ARHGAP15: variants seen among roughly 807,000 people sequenced by gnomAD.
The protein encoded by ARHGAP15 is Rho GTPase activating protein 15, also known as rho GTPase-activating protein 15.
Under a neutral mutation model 63.7 loss-of-function variants are expected in ARHGAP15, and 51 were observed. The observed-to-expected ratio is 0.80, with a 90% CI of 0.64 to 1.01. ARHGAP15 has a LOEUF of 1.01. Among genes scored for constraint, ARHGAP15 ranks in the 50% least tolerant of loss-of-function variants. The pLI, the probability that ARHGAP15 is intolerant of heterozygous loss-of-function variation, is 0.00. For synonymous variants in ARHGAP15, 191 were observed against 193.8 expected, an observed-to-expected ratio of 0.99 and a Z score of 0.12; for missense variants, 560 against 564.6, an observed-to-expected ratio of 0.99 and a Z score of 0.08.
At position 143,196,122 on chromosome 2, in the gene ARHGAP15, C is replaced by T. The variant is rs71423262; in HGVS notation, c.166-6012C>T. 9.1e-3 allele frequency among the ~76,000 whole-genome samples: 1,381 copies of T among 152,080 alleles called. 16 individuals are homozygous for T. The highest frequency in any genetic ancestry group is 0.037 in the Middle Eastern group (11 of 294). ...ACAAAGAGGAATTTGAAGGAAAATACGCATTATATATTCAGAATACTATCT... is the reference window on the plus strand; with the variant it reads ...ACAAAGAGGAATTTGAAGGAAAATATGCATTATATATTCAGAATACTATCT... On this transcript the variant is annotated intron_variant, in intron 2 of 13. Coordinates refer to ENST00000295095, the MANE Select transcript of ARHGAP15 (RefSeq NM_018460.4).
chr2:143,647,741 T>C (rs1680957833), intron 12 of ARHGAP15, among the ~76,000 whole-genome samples: 1 of 152,060 alleles, frequency 6.6e-6, no homozygotes, highest in South Asian at 2.1e-4. Flanking sequence ...CTTTATATAA[T>C]GTTAAATTAC....
rs553433102 is a variant in ARHGAP15 at position 143,175,996 on chromosome 2, G to A, written c.165+20341G>A. On this transcript the variant is annotated intron_variant, in intron 2 of 13. Transcript: ENST00000295095. ...ATGTTATACATTGAAAATAAAATAC[G>A]TATGTCTGTCTAGAGACTATTTTTT... 1.1e-4 allele frequency among the ~76,000 whole-genome samples: 17 copies of A among 152,192 alleles called. No homozygotes were observed. In the South Asian group the frequency reaches 3.3e-3, roughly 30 times the overall value.
At chr2:143,577,788 G>A (rs554649657) in intron 11 of ARHGAP15, among the ~76,000 whole-genome samples, 13 of 152,230 alleles carry the variant, frequency 8.5e-5, no homozygotes, top group Non-Finnish European at 1.3e-4. Flanking sequence ...CCCCCTACAT[G>A]GAGGTAGAGG....
chr2:143,432,886 A>C (rs1390640337), intron 6 of ARHGAP15, among the ~76,000 whole-genome samples: 1 of 152,056 alleles, frequency 6.6e-6, no homozygotes, highest in Non-Finnish European at 1.5e-5. Flanking sequence ...GGAGACCAGC[A>C]GCTCTTATCT....
chr2:143,526,727 G>A (rs760553168), intron 10 of ARHGAP15, among the ~76,000 whole-genome samples: 4 of 152,146 alleles, frequency 2.6e-5, no homozygotes, highest in African/African-American at 4.8e-5. Flanking sequence ...AAAATTGCAT[G>A]CATTTGGAAA....
chr2:143,155,594 A>C lies in ARHGAP15; in HGVS notation c.104A>C (p.His35Pro). ...QMRIKNANSH[H>P]DRLSQSKSMI... ...AGAATCAAAAATGCCAACAGCCACCATGACAGGCTCAGCCAAAGTAAATCC... is the reference window on the plus strand; with the variant it reads ...AGAATCAAAAATGCCAACAGCCACCCTGACAGGCTCAGCCAAAGTAAATCC... Residue 35 changes from histidine to proline, a missense_variant, in exon 2 of 14, where the codon CAT becomes CCT. Coordinates refer to ENST00000295095, the MANE Select transcript of ARHGAP15 (RefSeq NM_018460.4). 1.2e-6 allele frequency: 2 copies of C among 1,609,070 alleles called. No individual in the cohort carries two copies. Among genetic ancestry groups the C allele is most frequent in the Non-Finnish European group, 1.7e-6 (2 of 1,177,818 alleles).
intron 5 of ARHGAP15, among the ~76,000 whole-genome samples, chr2:143,243,351 T>C (rs1169634326): frequency 1.3e-5 from 2 of 152,208 alleles, no homozygotes; most frequent in Admixed American, 6.5e-5. Context: ...CTAGGGTCAA[T>C]TTTTAATGAC....
At chr2:143,134,143 CT>C (rs879729261) in intron 1 of ARHGAP15, among the ~76,000 whole-genome samples, 1,909 of 32,294 alleles carry the variant, frequency 0.059, 23 homozygotes, top group Non-Finnish European at 0.13. Flanking sequence ...ATCTATCTAT[CT>C]ATCTATCTAC....
At chr2:143,447,255 T>C (rs55822570) in intron 8 of ARHGAP15, among the ~76,000 whole-genome samples, 15,724 of 152,190 alleles carry the variant, frequency 0.1, 1,062 homozygotes, top group African/African-American at 0.19. Context: ...GTAAATTCAC[T>C]TAAAAGCAAG....
intron 6 of ARHGAP15, among the ~76,000 whole-genome samples, chr2:143,251,376 A>G (rs1196806430): frequency 6.6e-6 from 1 of 152,012 alleles, no homozygotes; most frequent in African/African-American, 2.4e-5. Context: ...TATTTTTTAA[A>G]TTAAATGTCT....
intron 9 of ARHGAP15, among the ~76,000 whole-genome samples, chr2:143,495,473 A>G (rs1219955125): frequency 2.0e-5 from 3 of 152,160 alleles, no homozygotes; most frequent in Non-Finnish European, 2.9e-5. Flanking sequence ...TTCTAACTAC[A>G]CTCACTTATA....
intron 2 of ARHGAP15, among the ~76,000 whole-genome samples, chr2:143,185,168 C>T (rs761916314): frequency 5.3e-5 from 8 of 151,986 alleles, no homozygotes; most frequent in African/African-American, 9.7e-5. Context: ...TAATACGTTC[C>T]GATTGAGTTT....
chr2:143,601,951 G>T (rs560607460), intron 11 of ARHGAP15, among the ~76,000 whole-genome samples: 1 of 152,120 alleles, frequency 6.6e-6, no homozygotes, highest in East Asian at 1.9e-4. Context: ...AAACAGTAAG[G>T]CATTCATTAA....
chr2:143,356,269 G>A (rs952140091), intron 6 of ARHGAP15, among the ~76,000 whole-genome samples: 1 of 152,138 alleles, frequency 6.6e-6, no homozygotes. Context: ...AGTTAGCGTG[G>A]AATGTTGTAC....
At chr2:143,587,802 T>C (rs1697167775) in intron 11 of ARHGAP15, 1 of 467,348 alleles carries the variant, frequency 2.1e-6, no homozygotes, top group African/African-American at 2.0e-5. Flanking sequence ...CAATAATTTG[T>C]CACTTCATTA....
At chr2:143,713,031 T>C (rs1172654026) in intron 13 of ARHGAP15, among the ~76,000 whole-genome samples, 1 of 152,198 alleles carries the variant, frequency 6.6e-6, no homozygotes, top group African/African-American at 2.4e-5. Flanking sequence ...TGGAATCGCG[T>C]TACTTCATTG....
At chr2:143,182,195 T>C (rs537087006) in intron 2 of ARHGAP15, among the ~76,000 whole-genome samples, 2 of 152,266 alleles carry the variant, frequency 1.3e-5, no homozygotes, top group African/African-American at 4.8e-5. Context: ...ACTCCTGACC[T>C]TGGGTGATCT....
chr2:143,330,085 G>C (rs1236412473), intron 6 of ARHGAP15, among the ~76,000 whole-genome samples: 2 of 37,730 alleles, frequency 5.3e-5, no homozygotes, highest in Admixed American at 6.3e-4. Context: ...ACAGAGCAAG[G>C]CTCTGTCTCA....
intron 11 of ARHGAP15, among the ~76,000 whole-genome samples, chr2:143,568,269 C>T (rs1188938117): frequency 9.9e-5 from 15 of 152,098 alleles, no homozygotes; most frequent in Non-Finnish European, 5.9e-5. Context: ...GCAATCTACC[C>T]ATCTGACAAA....
Sources: allele counts gnomAD v4.1 joint callset (sites outside exome capture counted in the v4.1 genomes callset), GRCh38; gene constraint gnomAD v4.1.1; transcripts MANE v1.5; gene names NCBI Gene and HGNC (gene_info 2026-07-23, HGNC 2026-07-21).